Variants in CDH18 observed in about 807,000 individuals in gnomAD.
CDH18 encodes the protein cadherin 18.
CDH18 carries 31 observed loss-of-function variants against 67.9 expected under a neutral mutation model. The ratio of observed to expected loss-of-function variants is 0.46; its 90% CI spans 0.34 to 0.62. CDH18 has a LOEUF of 0.62. Ranked by LOEUF, CDH18 falls within the 20% of genes least tolerant of loss-of-function variation. CDH18 has a pLI of 0.01. For missense variants in CDH18, 890 were observed against 975.5 expected, an observed-to-expected ratio of 0.91 and a Z score of 1.17; for synonymous variants, 362 against 347.2, an observed-to-expected ratio of 1.04 and a Z score of -0.48.
At chr5:20,429,808 A>T (rs546044818) in intron 1 of CDH18, among the ~76,000 whole-genome samples, 1 of 152,338 alleles carries the variant, frequency 6.6e-6, no homozygotes, top group South Asian at 2.1e-4. Flanking sequence ...TCATTGTATA[A>T]AAGATGTTTT....
chr5:20,126,199 A>C (rs1748804447), intron 2 of CDH18, among the ~76,000 whole-genome samples: 1 of 152,228 alleles, frequency 6.6e-6, no homozygotes, highest in African/African-American at 2.4e-5. Flanking sequence ...GCTGTGTAAA[A>C]TACACGCTAC....
At chr5:20,426,155 T>C (rs555736584) in intron 1 of CDH18, among the ~76,000 whole-genome samples, 1 of 151,412 alleles carries the variant, frequency 6.6e-6, no homozygotes, top group South Asian at 2.1e-4. Context: ...CCAAGTTACA[T>C]GACAACTTTG....
At chr5:20,123,585 T>C (rs962624179) in intron 2 of CDH18, among the ~76,000 whole-genome samples, 7 of 152,172 alleles carry the variant, frequency 4.6e-5, no homozygotes, top group African/African-American at 1.7e-4. Context: ...AACGTTCCAT[T>C]AAAGAATTTA....
At chr5:20,555,740 C>T (rs972635713) in intron 1 of CDH18, among the ~76,000 whole-genome samples, 1 of 151,760 alleles carries the variant, frequency 6.6e-6, no homozygotes, top group African/African-American at 2.4e-5. Context: ...TTTCAAATCA[C>T]CCCTGCTTTT....
chr5:19,933,034 T>C (rs904892530), intron 2 of CDH18, among the ~76,000 whole-genome samples: 14 of 151,636 alleles, frequency 9.2e-5, no homozygotes, highest in African/African-American at 3.4e-4. Context: ...TATAGGTATA[T>C]ATACCTAATC....
chr5:20,380,630 G>A (rs573786882), intron 1 of CDH18, among the ~76,000 whole-genome samples: 17 of 152,142 alleles, frequency 1.1e-4, no homozygotes, highest in African/African-American at 4.1e-4. Flanking sequence ...AGTTAGGTGA[G>A]AAGTTAAGGT....
At chr5:20,199,231 T>C (rs558804782) in intron 2 of CDH18, among the ~76,000 whole-genome samples, 2 of 152,182 alleles carry the variant, frequency 1.3e-5, no homozygotes, top group East Asian at 1.9e-4. Flanking sequence ...ATGCCAGCCA[T>C]AAAAGCAGCT....
chr5:20,145,314 A>G lies in CDH18; in HGVS notation c.-518+110130T>C, dbSNP rs539288519. 1.3e-4 allele frequency among the ~76,000 whole-genome samples: 20 copies of G among 152,322 alleles called. No individual in the cohort carries two copies. In the South Asian group the frequency reaches 3.9e-3, roughly 30 times the overall value. On this transcript the variant is annotated intron_variant, in intron 2 of 14. Coordinates refer to the CDH18 transcript ENST00000507958. ...TTTTTCTTAATGTGTAAAAACATAA[A>G]TGTTGCAGAATTGCAATTGAAATGA...
rs1001648345 is a variant in CDH18 at position 20,440,324 on chromosome 5, C to T, written c.-580+135138G>A. ...GTCTATTAGGAGCATGTGCAATGTA[C>T]AGCAGGCAAGACAGAGACCGTAACT... On this transcript the variant is annotated intron_variant, in intron 1 of 14. Coordinates refer to the CDH18 transcript ENST00000507958. Among the ~76,000 whole-genome samples the T allele has an allele frequency of 2.5e-4, 38 of 151,776 alleles. 2 individuals carry two copies. The highest frequency in any genetic ancestry group is 9.0e-4 in the African/African-American group (37 of 41,138).
chr5:20,190,755 T>C (rs185672108), intron 2 of CDH18, among the ~76,000 whole-genome samples: 1 of 152,258 alleles, frequency 6.6e-6, no homozygotes, highest in African/African-American at 2.4e-5. Context: ...TACATGTAAA[T>C]CTTCTTAAAA....
At chr5:19,999,628 GTAATAA>G (rs896179810) in intron 2 of CDH18, among the ~76,000 whole-genome samples, 3 of 151,806 alleles carry the variant, frequency 2.0e-5, no homozygotes, top group Admixed American at 6.6e-5. Flanking sequence ...ATTAGTAATA[GTAATAA>G]TAATAATAAT....
intron 3 of CDH18, among the ~76,000 whole-genome samples, chr5:19,802,331 C>A (rs1197518771): frequency 1.3e-5 from 2 of 152,052 alleles, no homozygotes; most frequent in Non-Finnish European, 2.9e-5. Context: ...GTTTATGAAT[C>A]ATTACTTTTA....
intron 5 of CDH18, among the ~76,000 whole-genome samples, chr5:19,614,365 C>T (rs1179328054): frequency 6.6e-6 from 1 of 150,680 alleles, no homozygotes; most frequent in Non-Finnish European, 1.5e-5. Context: ...GAAAATTATT[C>T]TTATCAAAAT....
chr5:20,174,375 G>A (rs919281973), intron 2 of CDH18, among the ~76,000 whole-genome samples: 6 of 152,224 alleles, frequency 3.9e-5, no homozygotes, highest in South Asian at 4.1e-4. Flanking sequence ...TCAATTCAGC[G>A]TAATACGTGT....
At chr5:19,733,712 G>T (rs1767920992) in intron 4 of CDH18, among the ~76,000 whole-genome samples, 1 of 152,146 alleles carries the variant, frequency 6.6e-6, no homozygotes, top group Admixed American at 6.5e-5. Context: ...GGAGTCATGG[G>T]CAAGAGCAGG....
At chr5:19,622,478 C>T (rs188486014) in intron 5 of CDH18, among the ~76,000 whole-genome samples, 84 of 152,254 alleles carry the variant, frequency 5.5e-4, no homozygotes, top group Admixed American at 1.1e-3. Context: ...TGACAATAGT[C>T]CCATCAGTCA....
chr5:20,334,154 A>G (rs1739470305), intron 1 of CDH18, among the ~76,000 whole-genome samples: 1 of 52,440 alleles, frequency 1.9e-5, no homozygotes, highest in Admixed American at 2.5e-4. Context: ...TTTTTTTTTG[A>G]GACGGAGTCT....
At chr5:19,995,162 C>T (rs1038352092) in intron 2 of CDH18, among the ~76,000 whole-genome samples, 3 of 151,946 alleles carry the variant, frequency 2.0e-5, no homozygotes, top group African/African-American at 4.8e-5. Flanking sequence ...ATGCTAAGGT[C>T]TTCCAGAAAT....
chr5:20,154,705 G>T (rs1277172883), intron 2 of CDH18, among the ~76,000 whole-genome samples: 1 of 152,064 alleles, frequency 6.6e-6, no homozygotes, highest in Non-Finnish European at 1.5e-5. Context: ...AATTTCTTCT[G>T]CCAGAATGAT....
Sources: gnomAD v4.1 joint callset for allele counts (sites outside exome capture counted in the v4.1 genomes callset) on GRCh38, gnomAD v4.1.1 for gene constraint, MANE v1.5 for transcripts, NCBI Gene and HGNC (gene_info 2026-07-23, HGNC 2026-07-21) for gene names.